The following ZNRF2 variants were observed in gnomAD, a reference collection of about 807,000 sequenced individuals.
The protein encoded by ZNRF2 is zinc and ring finger 2, also known as E3 ubiquitin-protein ligase ZNRF2.
ZNRF2 carries 16 observed loss-of-function variants against 20.4 expected under a neutral mutation model. The observed-to-expected ratio is 0.79, with a 90% CI of 0.53 to 1.19. The LOEUF (loss-of-function observed/expected upper bound fraction) is 1.19, where lower values mean the gene tolerates loss of function less well. ZNRF2 is among the 50% of genes most tolerant of loss of function. The probability of loss-of-function intolerance (pLI) is 0.00; values close to 1 mark genes in which losing one functional copy is unlikely to be tolerated. For missense variants in ZNRF2, 363 were observed against 332.4 expected (o/e 1.09, Z -0.72); for synonymous variants, 178 against 144.9 (o/e 1.23, Z -1.64).
At chr7:30,309,231 A>G (rs1799254251) in intron 1 of ZNRF2, among the ~76,000 whole-genome samples, 1 of 152,220 alleles carries the variant, frequency 6.6e-6, no homozygotes, top group African/African-American at 2.4e-5. Context: ...GACTTTGAAC[A>G]TTCTCTGAAC....
At chr7:30,286,351 A>G (rs542361147) in intron 1 of ZNRF2, among the ~76,000 whole-genome samples, 19 of 152,354 alleles carry the variant, frequency 1.2e-4, no homozygotes, top group African/African-American at 4.6e-4. Context: ...TTACTATGTC[A>G]TTTTAATTGG....
At chr7:30,337,270 T>A (rs1026169593) in intron 2 of ZNRF2, among the ~76,000 whole-genome samples, 3 of 151,874 alleles carry the variant, frequency 2.0e-5, no homozygotes, top group African/African-American at 7.2e-5. Context: ...CTTTATCTAA[T>A]TTTTTTTTCT....
At chr7:30,363,096 G>A (rs1034266725) in intron 4 of ZNRF2, among the ~76,000 whole-genome samples, 1 of 152,076 alleles carries the variant, frequency 6.6e-6, no homozygotes, top group African/African-American at 2.4e-5. Context: ...ACTCTAGCCT[G>A]GGCGACAGAG....
At chr7:30,334,148 T>C (rs1173868535) in intron 2 of ZNRF2, among the ~76,000 whole-genome samples, 2 of 152,172 alleles carry the variant, frequency 1.3e-5, no homozygotes, top group African/African-American at 2.4e-5. Context: ...AAGTCTTTAG[T>C]TCATCTTGCG....
At chr7:30,343,869 C>G (rs1799835884) in intron 2 of ZNRF2, among the ~76,000 whole-genome samples, 1 of 114,844 alleles carries the variant, frequency 8.7e-6, no homozygotes, top group Non-Finnish European at 1.9e-5. Flanking sequence ...ATTATACTTT[C>G]TGGTTTCATG....
intron 1 of ZNRF2, among the ~76,000 whole-genome samples, chr7:30,300,002 T>C (rs1799085448): frequency 6.6e-6 from 1 of 152,002 alleles, no homozygotes. Context: ...GCCAGGATGG[T>C]CTTGATCTCC....
At chr7:30,346,016 A>G (rs1799870529) in intron 2 of ZNRF2, among the ~76,000 whole-genome samples, 1 of 151,784 alleles carries the variant, frequency 6.6e-6, no homozygotes, top group Non-Finnish European at 1.5e-5. Context: ...GAGCTCTTCC[A>G]TGAGTAATTT....
At chr7:30,358,970 G>A (rs1800081918) in intron 3 of ZNRF2, among the ~76,000 whole-genome samples, 1 of 152,100 alleles carries the variant, frequency 6.6e-6, no homozygotes, top group South Asian at 2.1e-4. Context: ...CATAATAGAT[G>A]CTATATAAAT....
intron 2 of ZNRF2, among the ~76,000 whole-genome samples, chr7:30,324,954 G>A (rs1353452539): frequency 6.6e-6 from 1 of 152,206 alleles, no homozygotes; most frequent in Non-Finnish European, 1.5e-5. Context: ...CAGTGCATAT[G>A]TGTCTCTGTC....
intron 1 of ZNRF2, among the ~76,000 whole-genome samples, chr7:30,322,264 T>C (rs1799482314): frequency 6.6e-6 from 1 of 152,200 alleles, no homozygotes; most frequent in South Asian, 2.1e-4. Context: ...ATTGAATACC[T>C]GGAGGATTAG....
intron 2 of ZNRF2, among the ~76,000 whole-genome samples, chr7:30,333,506 A>AT (rs1799670061): frequency 6.6e-6 from 1 of 151,512 alleles, no homozygotes; most frequent in East Asian, 1.9e-4. Context: ...AGTAGCTGGG[A>AT]TTACAGGTGC....
At chr7:30,359,940 A>G (rs888914866) in intron 3 of ZNRF2, among the ~76,000 whole-genome samples, 1 of 152,184 alleles carries the variant, frequency 6.6e-6, no homozygotes, top group South Asian at 2.1e-4. Flanking sequence ...TATAACTGAA[A>G]TACCTGGATA....
At chr7:30,300,849 T>C (rs1441189425) in intron 1 of ZNRF2, among the ~76,000 whole-genome samples, 4 of 152,254 alleles carry the variant, frequency 2.6e-5, no homozygotes, top group Non-Finnish European at 5.9e-5. Context: ...TGGCTAGATA[T>C]ATGTAGTTTT....
chr7:30,302,389 G>T (rs1303454055), intron 1 of ZNRF2, among the ~76,000 whole-genome samples: 5 of 152,040 alleles, frequency 3.3e-5, no homozygotes, highest in African/African-American at 2.4e-5. Flanking sequence ...ATAATTCAGC[G>T]CATGTTGCAA....
intron 1 of ZNRF2, among the ~76,000 whole-genome samples, chr7:30,301,255 G>A (rs1481884876): frequency 1.3e-5 from 2 of 152,176 alleles, no homozygotes; most frequent in East Asian, 3.9e-4. Context: ...GGCAGAGGTG[G>A]GCGGATCACT....
chr7:30,361,184 A>G (rs1286575109), intron 3 of ZNRF2, among the ~76,000 whole-genome samples: 2 of 152,184 alleles, frequency 1.3e-5, no homozygotes, highest in East Asian at 1.9e-4. Context: ...TTTTGTTTTA[A>G]GAGGTTTTCT....
At chr7:30,327,456 A>C (rs542409934) in intron 2 of ZNRF2, among the ~76,000 whole-genome samples, 1 of 151,830 alleles carries the variant, frequency 6.6e-6, no homozygotes, top group Non-Finnish European at 1.5e-5. Context: ...GACAGTTCTT[A>C]ATTTCCTGAT....
At position 30,285,644 on chromosome 7, in the gene ZNRF2, C is replaced by A. The variant is rs1049546256; in HGVS notation, c.287C>A (p.Ala96Glu). 21 of 1,296,438 alleles carry A rather than the reference C, an allele frequency of 1.6e-5. No homozygotes were observed. Among genetic ancestry groups the A allele is most frequent in the African/African-American group, 3.1e-5 (2 of 64,070 alleles). The allele number at this position is 1,296,438 out of a possible 1,614,324, so 80.3% of individuals were successfully genotyped here. ...AVGSVASGAR[A>E]AQSPFSIPNS... ...GGGAGCGTGGCGTCGGGGGCCCGCGCGGCGCAGTCCCCCTTCAGCATCCCG... is the reference window on the plus strand; with the variant it reads ...GGGAGCGTGGCGTCGGGGGCCCGCGAGGCGCAGTCCCCCTTCAGCATCCCG... The change falls in exon 1 of 5, where the codon GCG (alanine) becomes GAG (glutamate). Residue 96 changes from alanine to glutamate, a missense_variant. Ala to Glu is a moderately radical substitution (Grantham distance 107). Coordinates refer to ENST00000323037, the MANE Select transcript of ZNRF2 (RefSeq NM_147128.4).
At chr7:30,345,424 G>A (rs533691575) in intron 2 of ZNRF2, among the ~76,000 whole-genome samples, 1 of 151,744 alleles carries the variant, frequency 6.6e-6, no homozygotes, top group African/African-American at 2.4e-5. Context: ...TAGTATTCAT[G>A]GTAAATATGT....
Sources: allele counts gnomAD v4.1 joint callset (sites outside exome capture counted in the v4.1 genomes callset), GRCh38; gene constraint gnomAD v4.1.1; transcripts MANE v1.5; gene names NCBI Gene and HGNC (gene_info 2026-07-23, HGNC 2026-07-21).